CLEC16A: variants seen among roughly 807,000 people sequenced by gnomAD.
CLEC16A encodes C-type lectin domain containing 16A.
A neutral mutation model predicts 109.5 loss-of-function variants in CLEC16A; 51 were observed. The observed-to-expected ratio is 0.47, with a 90% confidence interval of 0.37 to 0.59. The LOEUF (loss-of-function observed/expected upper bound fraction) is 0.59, where lower values mean the gene tolerates loss of function less well. Among genes scored for constraint, CLEC16A ranks in the 20% least tolerant of loss-of-function variants. CLEC16A has a pLI of 0.00. For missense variants in CLEC16A, 1,339 were observed against 1,394.0 expected, an observed-to-expected ratio of 0.96 and a Z score of 0.63; for synonymous variants, 673 against 564.2, an observed-to-expected ratio of 1.19 and a Z score of -2.73.
chr16:11,021,118 G>A (rs907062003), intron 12 of CLEC16A, among the ~76,000 whole-genome samples: 2 of 152,198 alleles, frequency 1.3e-5, no homozygotes, highest in African/African-American at 4.8e-5. Flanking sequence ...GAGGGGTGGT[G>A]GAAATACACA....
intron 1 of CLEC16A, among the ~76,000 whole-genome samples, chr16:10,955,849 G>C (rs1198143271): frequency 2.0e-5 from 3 of 152,186 alleles, no homozygotes; most frequent in African/African-American, 7.2e-5. Flanking sequence ...GGCCACAGCT[G>C]GAGTGGTGCG....
intron 18 of CLEC16A, among the ~76,000 whole-genome samples, chr16:11,057,242 T>C (rs2048257697): frequency 6.6e-6 from 1 of 152,242 alleles, no homozygotes; most frequent in East Asian, 1.9e-4. Context: ...ATGGCCTCAG[T>C]GGGCTTCTAA....
intron 13 of CLEC16A, among the ~76,000 whole-genome samples, chr16:11,037,048 A>G (rs139053620): frequency 6.6e-6 from 1 of 152,364 alleles, no homozygotes; most frequent in African/African-American, 2.4e-5. Context: ...AGTTACCATA[A>G]TTATTCCCAC....
At chr16:11,088,679 C>T (rs75788846) in intron 19 of CLEC16A, among the ~76,000 whole-genome samples, 44 of 152,160 alleles carry the variant, frequency 2.9e-4, no homozygotes, top group Admixed American at 7.9e-4. Flanking sequence ...CAGTGCTTGG[C>T]ACCCCTGCTC....
chr16:11,107,143 G>A lies in CLEC16A; in HGVS notation c.2117-13472G>A, dbSNP rs554767786. On this transcript the variant is annotated intron_variant, in intron 19 of 23. Transcript: ENST00000409790. The stretch of plus-strand genomic sequence containing the variant: ...ACAGCTCAAACCTTAAAACCAAGCA[G>A]TAGGTCCCAGTTTCCCCGGGTAACT... Among the ~76,000 whole-genome samples the A allele has an allele frequency of 6.6e-5, 10 of 152,332 alleles. No homozygotes were observed. In the East Asian group the frequency reaches 9.6e-4, roughly 15 times the overall value.
At chr16:11,170,379 A>C (rs1012693186) in intron 23 of CLEC16A, among the ~76,000 whole-genome samples, 1 of 152,246 alleles carries the variant, frequency 6.6e-6, no homozygotes, top group Non-Finnish European at 1.5e-5. Flanking sequence ...TTCATCCCAC[A>C]TGAGGCAGTG....
At chr16:11,135,839 C>A (rs1325589286) in intron 22 of CLEC16A, among the ~76,000 whole-genome samples, 1 of 152,236 alleles carries the variant, frequency 6.6e-6, no homozygotes, top group East Asian at 1.9e-4. Context: ...GGCCACACAC[C>A]CCGTGTGCTC....
intron 11 of CLEC16A, among the ~76,000 whole-genome samples, chr16:11,010,411 C>T (rs2045329971): frequency 6.6e-6 from 1 of 152,040 alleles, no homozygotes; most frequent in African/African-American, 2.4e-5. Context: ...GGTAATTTTC[C>T]CAAACTTTTT....
At chr16:11,171,395 G>C (rs183965695) in intron 23 of CLEC16A, among the ~76,000 whole-genome samples, 45 of 152,324 alleles carry the variant, frequency 3.0e-4, no homozygotes, top group Admixed American at 1.2e-3. Context: ...CGAACTCCCT[G>C]ATGACCCGAG....
intron 10 of CLEC16A, among the ~76,000 whole-genome samples, chr16:10,991,622 C>T (rs1465516618): frequency 6.6e-6 from 1 of 152,134 alleles, no homozygotes; most frequent in Non-Finnish European, 1.5e-5. Context: ...TGGAAGGAGA[C>T]TGGAACCTCT....
At chr16:11,156,350 A>T (rs1397911841) in intron 22 of CLEC16A, among the ~76,000 whole-genome samples, 2 of 150,090 alleles carry the variant, frequency 1.3e-5, no homozygotes, top group Admixed American at 1.3e-4. Context: ...AGCCTGGGTG[A>T]CAGAGTGAGA....
At chr16:11,094,753 A>G (rs926955393) in intron 19 of CLEC16A, among the ~76,000 whole-genome samples, 1 of 152,228 alleles carries the variant, frequency 6.6e-6, no homozygotes, top group East Asian at 1.9e-4. Flanking sequence ...ATGTAGCTCA[A>G]ATGTGAAAAA....
At chr16:11,131,229 G>T (rs1268000469) in intron 22 of CLEC16A, among the ~76,000 whole-genome samples, 2 of 152,216 alleles carry the variant, frequency 1.3e-5, no homozygotes, top group Non-Finnish European at 2.9e-5. Context: ...GTGCCATGTT[G>T]CTGTGGTTAG....
chr16:10,975,197 T>C (rs929399239), intron 7 of CLEC16A, among the ~76,000 whole-genome samples: 3 of 152,064 alleles, frequency 2.0e-5, no homozygotes, highest in African/African-American at 4.8e-5. Flanking sequence ...GACATGGTAG[T>C]GCACCCCTGT....
chr16:11,020,967 A>G (rs1179204400), intron 12 of CLEC16A, among the ~76,000 whole-genome samples: 5 of 152,222 alleles, frequency 3.3e-5, no homozygotes, highest in African/African-American at 7.2e-5. Context: ...GCTTCATTTC[A>G]GAGTTATTTC....
In CLEC16A at chr16:11,095,093, C is replaced by CT. The variant is rs1003101076; in HGVS notation, c.2117-25511dup. Among the ~76,000 whole-genome samples, 301 of 133,448 alleles carry CT rather than the reference C, an allele frequency of 2.3e-3. 1 individual carries two copies. Among genetic ancestry groups the CT allele is most frequent in the African/African-American group, 6.1e-3 (212 of 34,824 alleles). The allele number at this position is 133,448 out of a possible 152,430, so 87.5% of individuals were successfully genotyped here. On this transcript the variant is annotated intron_variant, in intron 19 of 23. Transcript: ENST00000409790. ...TGAACAGTTGCTAATCTTTTTTTTT[C>CT]TTTTTTTTTTTAAGTGGGTAGTCTT...
intron 22 of CLEC16A, chr16:11,126,415 C>G: frequency 7.0e-7 from 1 of 1,420,120 alleles, no homozygotes; most frequent in Non-Finnish European, 9.2e-7. Context: ...TAAGAATTTT[C>G]TTGGAAATTT....
intron 19 of CLEC16A, among the ~76,000 whole-genome samples, chr16:11,078,963 A>G (rs1388210937): frequency 6.6e-6 from 1 of 151,764 alleles, no homozygotes; most frequent in Non-Finnish European, 1.5e-5. Flanking sequence ...CCTCTACCTG[A>G]CTTGAAGACA....
intron 22 of CLEC16A, among the ~76,000 whole-genome samples, chr16:11,132,837 G>A (rs1450189533): frequency 3.9e-5 from 6 of 152,118 alleles, no homozygotes; most frequent in African/African-American, 7.2e-5. Flanking sequence ...ATGTGTGGGC[G>A]GATGGATGCA....
Sources: allele counts gnomAD v4.1 joint callset (sites outside exome capture counted in the v4.1 genomes callset), GRCh38; gene constraint gnomAD v4.1.1; transcripts MANE v1.5; gene names NCBI Gene and HGNC (gene_info 2026-07-23, HGNC 2026-07-21).